The following PLS1 variants were observed in gnomAD, a reference collection of about 807,000 sequenced individuals.
PLS1 encodes the protein plastin-1.
A neutral mutation model predicts 73.7 loss-of-function variants in PLS1; 32 were observed. That is an observed-to-expected ratio of 0.43 (90% CI 0.33 to 0.58). The LOEUF (loss-of-function observed/expected upper bound fraction) is 0.58, where lower values mean the gene tolerates loss of function less well. PLS1 is among the 20% of genes least tolerant of loss of function. The pLI, the probability that PLS1 is intolerant of heterozygous loss-of-function variation, is 0.04. For synonymous variants in PLS1, 217 were observed against 261.3 expected (o/e 0.83, Z 1.63); for missense variants, 633 against 740.5 (o/e 0.85, Z 1.68).
chr3:142,636,405 A>G (rs2036692697), intron 1 of PLS1, among the ~76,000 whole-genome samples: 1 of 152,232 alleles, frequency 6.6e-6, no homozygotes, highest in Non-Finnish European at 1.5e-5. Flanking sequence ...AAAAAAGAAC[A>G]TTGATTCATA....
At chr3:142,680,510 G>A (rs1040759893) in intron 6 of PLS1, among the ~76,000 whole-genome samples, 1 of 152,186 alleles carries the variant, frequency 6.6e-6, no homozygotes, top group Non-Finnish European at 1.5e-5. Flanking sequence ...ATGAACACCT[G>A]TTTGATGCCA....
chr3:142,598,396 G>C (rs2035849706), intron 1 of PLS1, among the ~76,000 whole-genome samples: 1 of 152,150 alleles, frequency 6.6e-6, no homozygotes, highest in African/African-American at 2.4e-5. Flanking sequence ...TCTATAATAT[G>C]GGGAAGGCCA....
At chr3:142,703,287 G>T (rs990015090) in intron 12 of PLS1, among the ~76,000 whole-genome samples, 9 of 119,926 alleles carry the variant, frequency 7.5e-5, no homozygotes, top group African/African-American at 2.6e-4. Context: ...GGATAGTCAA[G>T]AATTTTTTTT....
Position 142,697,988 on chromosome 3 carries a change from A to G in PLS1, c.1292A>G (p.Tyr431Cys), listed in dbSNP as rs567963239. 1.9e-6 allele frequency: 3 copies of G among 1,612,558 alleles called. No homozygotes were observed. The highest frequency in any genetic ancestry group is 2.2e-5 in the East Asian group (1 of 44,854). The stretch of plus-strand genomic sequence containing the variant: ...GATGCTTTAGTGATCTTTCAGCTCT[A>G]TGAGATGATCCGAGTGCCAGTCAAC... ...LADALVIFQL[Y>C]EMIRVPVNWS... The change falls in exon 12 of 16, where the codon TAT becomes TGT. Residue 431 changes from tyrosine (Y) to cysteine (C), a missense_variant. Physicochemically the swap from Tyr to Cys is radical, Grantham distance 194 (BLOSUM62 -2). Coordinates refer to ENST00000457734, the MANE Select transcript of PLS1 (RefSeq NM_001145319.2).
At chr3:142,608,114 G>A (rs2036055892) in intron 1 of PLS1, among the ~76,000 whole-genome samples, 1 of 152,104 alleles carries the variant, frequency 6.6e-6, no homozygotes, top group African/African-American at 2.4e-5. Flanking sequence ...CAAACTGCTG[G>A]GATTATTATA....
At chr3:142,618,267 C>G (rs974346076) in intron 1 of PLS1, among the ~76,000 whole-genome samples, 1 of 152,086 alleles carries the variant, frequency 6.6e-6, no homozygotes, top group Non-Finnish European at 1.5e-5. Context: ...TGCCTACCCC[C>G]CACCCTGCTG....
chr3:142,617,778 G>T (rs2036241249), intron 1 of PLS1, among the ~76,000 whole-genome samples: 1 of 152,148 alleles, frequency 6.6e-6, no homozygotes, highest in Non-Finnish European at 1.5e-5. Flanking sequence ...GGGAGTTTAA[G>T]ACAAGCCGAT....
chr3:142,666,224 A>G (rs1295025385), intron 2 of PLS1, among the ~76,000 whole-genome samples: 1 of 152,184 alleles, frequency 6.6e-6, no homozygotes. Flanking sequence ...TGTATAGTTC[A>G]TTAGCATTTA....
chr3:142,696,096 TTTAC>T (rs2038192441), intron 11 of PLS1, among the ~76,000 whole-genome samples: 1 of 152,196 alleles, frequency 6.6e-6, no homozygotes, highest in African/African-American at 2.4e-5. Context: ...GCCCAAGACT[TTTAC>T]TTTTAATCTT....
Position 142,671,021 on chromosome 3 carries a change from T to G in PLS1, c.263T>G (p.Ile88Ser). Residue 88 changes from isoleucine (I) to serine (S), a missense_variant, in exon 4 of 16, where the codon ATC becomes AGC. By Grantham distance (142) the Ile-to-Ser change is moderately radical. Transcript: ENST00000457734. ...SLMQELKSKD[I>S]SKTFRKIINK... The stretch of plus-strand genomic sequence containing the variant: ...ATGCAAGAATTAAAAAGCAAAGATA[T>G]CAGCAAAACATTCCGAAAAATAATT... The G allele has an allele frequency of 6.2e-7, 1 of 1,600,210 alleles. No homozygotes were observed. Among genetic ancestry groups the G allele is most frequent in the Non-Finnish European group, 8.6e-7 (1 of 1,169,068 alleles).
intron 2 of PLS1, among the ~76,000 whole-genome samples, chr3:142,666,289 T>G (rs1275663613): frequency 6.6e-6 from 1 of 152,170 alleles, no homozygotes; most frequent in African/African-American, 2.4e-5. Flanking sequence ...AAACTGAAAC[T>G]CCATATCCAT....
intron 1 of PLS1, among the ~76,000 whole-genome samples, chr3:142,603,021 G>A (rs547417136): frequency 2.6e-5 from 4 of 152,252 alleles, no homozygotes; most frequent in South Asian, 2.1e-4. Flanking sequence ...ATCCAGTTCC[G>A]AATTAACATT....
intron 10 of PLS1, among the ~76,000 whole-genome samples, chr3:142,690,994 G>T (rs911770439): frequency 6.6e-6 from 1 of 152,072 alleles, no homozygotes; most frequent in Non-Finnish European, 1.5e-5. Flanking sequence ...TCTTCTTGGT[G>T]GGGAGAGTAT....
At chr3:142,684,676 T>C (rs981149893) in intron 8 of PLS1, among the ~76,000 whole-genome samples, 1 of 152,190 alleles carries the variant, frequency 6.6e-6, no homozygotes, top group African/African-American at 2.4e-5. Flanking sequence ...TTTTTATGCC[T>C]GAGATCTGCT....
chr3:142,643,724 A>C (rs1330282827), intron 1 of PLS1, among the ~76,000 whole-genome samples: 4 of 152,218 alleles, frequency 2.6e-5, no homozygotes, highest in African/African-American at 9.6e-5. Flanking sequence ...AATAAGGAAC[A>C]TAATCTGGGA....
intron 1 of PLS1, among the ~76,000 whole-genome samples, chr3:142,648,521 G>C (rs1312409066): frequency 6.6e-6 from 1 of 152,140 alleles, no homozygotes; most frequent in Non-Finnish European, 1.5e-5. Context: ...TGAAAATAGA[G>C]AATTGGGCAG....
At position 142,704,566 on chromosome 3, in the gene PLS1, A is replaced by C; in HGVS notation, c.1609A>C (p.Thr537Pro). The change falls in exon 14 of 16, where the codon ACT becomes CCT. Residue 537 changes from threonine to proline, a missense_variant. Physicochemically the swap from Thr to Pro is conservative, Grantham distance 38. Transcript: ENST00000457734. ...GACTCTTAAAAGTGCAAACAAAAAG[A>C]CTTCTATTTCCAGCTTCAAGGTAAT... is the stretch of plus-strand genomic sequence containing the variant. ...NQTLKSANKK[T>P]SISSFKDKSI... 3.8e-6 allele frequency: 6 copies of C among 1,595,336 alleles called. No homozygotes were observed. Among genetic ancestry groups the C allele is most frequent in the Non-Finnish European group, 5.1e-6 (6 of 1,170,270 alleles).
intron 3 of PLS1, 113 bp downstream of exon 3, chr3:142,669,666 T>C: frequency 1.7e-6 from 1 of 574,194 alleles, no homozygotes; most frequent in Non-Finnish European, 2.9e-6. Context: ...AAAGGACTGC[T>C]TTAAAATGAT....
chr3:142,600,894 ATATATATATATATATATATATATT>A (rs1223147808), intron 1 of PLS1, among the ~76,000 whole-genome samples: 7 of 25,844 alleles, frequency 2.7e-4, no homozygotes, highest in Admixed American at 2.5e-3. Flanking sequence ...ATATATATAT[ATATATATATATATATATATATATT>A]TTTTTTTTTT....
Sources: gnomAD v4.1 joint callset for allele counts (sites outside exome capture counted in the v4.1 genomes callset) on GRCh38, gnomAD v4.1.1 for gene constraint, MANE v1.5 for transcripts, NCBI Gene and HGNC (gene_info 2026-07-23, HGNC 2026-07-21) for gene names.